The following TEX9 variants were observed in gnomAD, a reference collection of about 807,000 sequenced individuals.
The protein encoded by TEX9 is testis expressed 9.
In TEX9, 74 loss-of-function variants were observed where a neutral mutation model predicts 59.6. The ratio of observed to expected loss-of-function variants is 1.24; its 90% CI spans 1.03 to 1.51. TEX9 has a LOEUF of 1.51. Ranked by LOEUF, TEX9 falls within the 40% of genes most tolerant of loss-of-function variation. The probability of loss-of-function intolerance (pLI) is 0.00; values close to 1 mark genes in which losing one functional copy is unlikely to be tolerated. For synonymous variants in TEX9, 186 were observed against 152.2 expected, an observed-to-expected ratio of 1.22 and a Z score of -1.64; for missense variants, 522 against 447.8, an observed-to-expected ratio of 1.17 and a Z score of -1.49.
intron 1 of TEX9, among the ~76,000 whole-genome samples, chr15:56,260,358 A>G (rs541298944): frequency 8.5e-5 from 13 of 152,186 alleles, no homozygotes; most frequent in Non-Finnish European, 1.8e-4. Flanking sequence ...TGTTAGCAGC[A>G]GGCCTTTTGT....
intron 9 of TEX9, among the ~76,000 whole-genome samples, chr15:56,399,553 C>A (rs1431516214): frequency 1.3e-5 from 2 of 152,240 alleles, no homozygotes; most frequent in African/African-American, 4.8e-5. Context: ...CAAAAGGCAG[C>A]AGACAACTTC....
In TEX9 at chr15:56,252,379, C is replaced by CTTTTTTTTTTTT. The variant is rs3050136; in HGVS notation, c.-107+8106_-107+8117dup. On this transcript the variant is annotated intron_variant, in intron 1 of 5. Coordinates refer to the TEX9 transcript ENST00000560827. ...TGTTGAATTGAGCTATTAGAAAAAC[C>CTTTTTTTTTTTT]TTTTTTTTTTTTTTTTGTCCAGGCC... is the stretch of plus-strand genomic sequence containing the variant. Among the ~76,000 whole-genome samples, 14 of 119,706 alleles carry CTTTTTTTTTTTT rather than the reference C, an allele frequency of 1.2e-4. 1 individual carries two copies. The highest frequency in any genetic ancestry group is 2.9e-4 in the African/African-American group (9 of 31,548). The allele number at this position is 119,706 out of a possible 152,430, so 78.5% of individuals were successfully genotyped here. A position where few individuals can be genotyped will look rare whatever the true frequency, so the allele number is the denominator to read the frequency against.
chr15:56,381,119 CCT>C (rs1482347141), intron 3 of TEX9, among the ~76,000 whole-genome samples: 9 of 151,786 alleles, frequency 5.9e-5, no homozygotes, highest in African/African-American at 2.2e-4. Context: ...TCTTTTGTCT[CCT>C]CTGTATTTTC....
chr15:56,452,333 C>T, the TEX9 span, among the ~76,000 whole-genome samples: 6 of 152,062 alleles, frequency 3.9e-5, no homozygotes, highest in Non-Finnish European at 5.9e-5. Flanking sequence ...CGCTTAATTC[C>T]CCGAGCAATG....
At chr15:56,433,800 C>G (rs2050665932) in intron 12 of TEX9, among the ~76,000 whole-genome samples, 1 of 152,104 alleles carries the variant, frequency 6.6e-6, no homozygotes, top group African/African-American at 2.4e-5. Context: ...TCTGCCATAC[C>G]AAAACATCCA....
chr15:56,359,698 A>C (rs1307248924), intron 1 of TEX9, among the ~76,000 whole-genome samples: 2 of 152,072 alleles, frequency 1.3e-5, no homozygotes, highest in East Asian at 3.8e-4. Context: ...ATCTATACAC[A>C]AAGATGGTTT....
At chr15:56,340,149 G>T (rs1161420430) in intron 1 of TEX9, among the ~76,000 whole-genome samples, 1 of 152,066 alleles carries the variant, frequency 6.6e-6, no homozygotes, top group Non-Finnish European at 1.5e-5. Flanking sequence ...ATCTTCCAAG[G>T]ATGGTAAGGG....
intron 1 of TEX9, among the ~76,000 whole-genome samples, chr15:56,335,531 A>T (rs1290603045): frequency 6.6e-6 from 1 of 152,128 alleles, no homozygotes. Context: ...GGAAGTGGGA[A>T]TGGTTAATGG....
At chr15:56,434,092 G>A in intron 12 of TEX9, 1 of 1,573,464 alleles carries the variant, frequency 6.4e-7, no homozygotes, top group African/African-American at 1.4e-5. Context: ...ATGAGCTATT[G>A]CTGTTTAATG....
chr15:56,353,974 G>T (rs1387579590), intron 1 of TEX9, among the ~76,000 whole-genome samples: 1 of 152,052 alleles, frequency 6.6e-6, no homozygotes, highest in African/African-American at 2.4e-5. Context: ...TTTTAGATGG[G>T]TTATCTTATT....
At chr15:56,302,458 C>T (rs1322432843) in intron 1 of TEX9, among the ~76,000 whole-genome samples, 2 of 152,018 alleles carry the variant, frequency 1.3e-5, no homozygotes, top group East Asian at 3.9e-4. Flanking sequence ...GAGATCAAGG[C>T]TGTAGCGAGC....
At chr15:56,293,159 A>G (rs2045135748) in intron 1 of TEX9, among the ~76,000 whole-genome samples, 1 of 151,640 alleles carries the variant, frequency 6.6e-6, no homozygotes, top group Non-Finnish European at 1.5e-5. Context: ...AGATAGTGAG[A>G]CCCCATCTCT....
At chr15:56,435,260 A>G (rs2050701698) in intron 12 of TEX9, among the ~76,000 whole-genome samples, 2 of 152,010 alleles carry the variant, frequency 1.3e-5, no homozygotes, top group African/African-American at 2.4e-5. Context: ...CCCCACTTCA[A>G]GAACCTATAA....
In TEX9 at chr15:56,389,401, G is replaced by A; in HGVS notation, c.395+1G>A. The A allele has an allele frequency of 6.3e-7, 1 of 1,588,728 alleles. No individual in the cohort carries two copies. Among genetic ancestry groups the A allele is most frequent in the South Asian group, 1.1e-5 (1 of 89,644 alleles). ...ATAAAGGAAGGAAAACAAATTCAAG[G>A]TATAGTATAGTTTTCAAAGTATTTC... On this transcript the variant is annotated splice_donor_variant, in intron 6 of 12. Coordinates refer to ENST00000352903, the Ensembl canonical transcript of TEX9. LOFTEE classifies it high-confidence loss of function.
At chr15:56,442,510 T>C (rs150382325) in intron 12 of TEX9, among the ~76,000 whole-genome samples, 345 of 152,234 alleles carry the variant, frequency 2.3e-3, no homozygotes, top group South Asian at 9.8e-3. Flanking sequence ...AATGGTGGAC[T>C]GGATAAATAA....
At chr15:56,403,233 A>G (rs2048890558) in intron 9 of TEX9, among the ~76,000 whole-genome samples, 1 of 152,136 alleles carries the variant, frequency 6.6e-6, no homozygotes, top group South Asian at 2.1e-4. Flanking sequence ...TGTTTAGAAA[A>G]CCCCATCGTC....
chr15:56,431,530 A>C, intron 12 of TEX9: 1 of 1,611,468 alleles, frequency 6.2e-7, no homozygotes, highest in Non-Finnish European at 8.5e-7. Flanking sequence ...TGTTATCACA[A>C]AGTACATTAA....
chr15:56,419,724 A>T (rs1360596303), intron 10 of TEX9, among the ~76,000 whole-genome samples: 1 of 151,614 alleles, frequency 6.6e-6, no homozygotes, highest in African/African-American at 2.4e-5. Flanking sequence ...TTTCATCTTT[A>T]GGTTTTTTGG....
At chr15:56,417,465 G>A (rs920921070) in intron 10 of TEX9, among the ~76,000 whole-genome samples, 1 of 151,726 alleles carries the variant, frequency 6.6e-6, no homozygotes, top group African/African-American at 2.4e-5. Flanking sequence ...AGTCATTGAG[G>A]AGCGTGTTGT....
Sources: allele counts gnomAD v4.1 joint callset (sites outside exome capture counted in the v4.1 genomes callset), GRCh38; gene constraint gnomAD v4.1.1; transcripts MANE v1.5; gene names NCBI Gene and HGNC (gene_info 2026-07-23, HGNC 2026-07-21).